MACROD2: variants seen among roughly 807,000 people sequenced by gnomAD.
MACROD2 encodes ADP-ribose glycohydrolase MACROD2.
Under a neutral mutation model 70.4 loss-of-function variants are expected in MACROD2, and 36 were observed. That is an observed-to-expected ratio of 0.51 (90% CI 0.39 to 0.68). MACROD2 has a LOEUF of 0.68. MACROD2 is among the 30% of genes least tolerant of loss of function. The pLI is 0.00. For synonymous variants in MACROD2, 172 were observed against 178.8 expected, an observed-to-expected ratio of 0.96 and a Z score of 0.30; for missense variants, 496 against 538.4, an observed-to-expected ratio of 0.92 and a Z score of 0.78.
intron 8 of MACROD2, among the ~76,000 whole-genome samples, chr20:15,674,586 A>C (rs753316686): frequency 7.9e-5 from 12 of 152,086 alleles, no homozygotes; most frequent in Non-Finnish European, 1.2e-4. Context: ...CATAATCATT[A>C]ACACCTTGAG....
chr20:15,271,950 C>G (rs2077349904), intron 6 of MACROD2, among the ~76,000 whole-genome samples: 1 of 152,166 alleles, frequency 6.6e-6, no homozygotes, highest in African/African-American at 2.4e-5. Flanking sequence ...GGGATCTCTT[C>G]CCACTTCACC....
At chr20:15,298,806 TTA>T (rs751091924) in intron 6 of MACROD2, among the ~76,000 whole-genome samples, 36 of 152,176 alleles carry the variant, frequency 2.4e-4, no homozygotes, top group Non-Finnish European at 4.6e-4. Context: ...ATGCCAGGCC[TTA>T]TGTTTTGCAC....
chr20:15,145,510 A>G (rs955422781), intron 5 of MACROD2, among the ~76,000 whole-genome samples: 2 of 152,174 alleles, frequency 1.3e-5, no homozygotes, highest in Non-Finnish European at 2.9e-5. Context: ...CTGGGCAGAA[A>G]CATTTTATTC....
intron 5 of MACROD2, among the ~76,000 whole-genome samples, chr20:14,919,544 G>A (rs2074135458): frequency 6.6e-6 from 1 of 152,202 alleles, no homozygotes; most frequent in Non-Finnish European, 1.5e-5. Context: ...CAAGCAACCA[G>A]GAACAGGGCC....
chr20:15,665,728 G>T (rs576774587), intron 8 of MACROD2, among the ~76,000 whole-genome samples: 102 of 152,198 alleles, frequency 6.7e-4, no homozygotes, highest in Non-Finnish European at 1.2e-3. Flanking sequence ...AGCTTGAAGT[G>T]TCCCATTCCC....
At chr20:15,943,273 T>C (rs2065775647) in intron 12 of MACROD2, among the ~76,000 whole-genome samples, 1 of 152,204 alleles carries the variant, frequency 6.6e-6, no homozygotes, top group African/African-American at 2.4e-5. Flanking sequence ...GAAAACGGCA[T>C]TGTTTCTGTT....
chr20:15,372,103 C>T (rs1435939355), intron 6 of MACROD2, among the ~76,000 whole-genome samples: 1 of 152,066 alleles, frequency 6.6e-6, no homozygotes, highest in African/African-American at 2.4e-5. Flanking sequence ...ATGAATATGT[C>T]ACATTTAATC....
chr20:14,932,718 C>A (rs1296987207), intron 5 of MACROD2, among the ~76,000 whole-genome samples: 1 of 151,960 alleles, frequency 6.6e-6, no homozygotes. Context: ...GGTGCGTGTG[C>A]CACCATGCCT....
intron 5 of MACROD2, among the ~76,000 whole-genome samples, chr20:14,719,473 G>GAAAAAAAAAAAAAAAAAAAAAAAAAAAAA: frequency 7.3e-6 from 1 of 136,322 alleles, no homozygotes; most frequent in Non-Finnish European, 1.6e-5. Flanking sequence ...AAGATAGAAA[G>GAAAAAAAAAAAAAAAAAAAAAAAAAAAAA]AAAAAAAAAA....
chr20:15,241,734 A>G (rs1262243255), intron 6 of MACROD2, among the ~76,000 whole-genome samples: 1 of 151,268 alleles, frequency 6.6e-6, no homozygotes, highest in African/African-American at 2.4e-5. Context: ...TTTCAATGTA[A>G]AAAAATAGAT....
At chr20:14,074,165 C>G (rs1450779505) in intron 2 of MACROD2, among the ~76,000 whole-genome samples, 2 of 152,156 alleles carry the variant, frequency 1.3e-5, no homozygotes, top group African/African-American at 2.4e-5. Flanking sequence ...CCATCCTGCC[C>G]CTTGGCTATA....
chr20:15,629,276 T>G (rs898392824), intron 8 of MACROD2, among the ~76,000 whole-genome samples: 3 of 152,218 alleles, frequency 2.0e-5, no homozygotes, highest in African/African-American at 7.2e-5. Context: ...TCAGACCTTG[T>G]TAATTTTAGC....
At chr20:15,431,457 GAT>G (rs765789988) in intron 7 of MACROD2, 22 bp downstream of exon 7, 5 of 1,606,220 alleles carry the variant, frequency 3.1e-6, no homozygotes, top group Non-Finnish European at 4.3e-6. Flanking sequence ...AGCTTTTGAT[GAT>G]GTTTGTATTT....
intron 6 of MACROD2, among the ~76,000 whole-genome samples, chr20:15,373,137 T>A (rs2045515869): frequency 6.6e-6 from 1 of 152,188 alleles, no homozygotes; most frequent in Non-Finnish European, 1.5e-5. Context: ...AAAATGTTTC[T>A]ATACCTACTT....
At chr20:15,242,241 A>T (rs988121747) in intron 6 of MACROD2, among the ~76,000 whole-genome samples, 1 of 152,250 alleles carries the variant, frequency 6.6e-6, no homozygotes. Flanking sequence ...TCAACAAAAT[A>T]GGTAATTAAT....
At chr20:15,247,501 G>A (rs1568666402) in intron 6 of MACROD2, among the ~76,000 whole-genome samples, 6 of 152,126 alleles carry the variant, frequency 3.9e-5, no homozygotes. Flanking sequence ...TAAATGGAAA[G>A]CACAAGAGAG....
At chr20:14,792,681 A>C (rs559784024) in intron 5 of MACROD2, among the ~76,000 whole-genome samples, 2 of 152,038 alleles carry the variant, frequency 1.3e-5, no homozygotes, top group Non-Finnish European at 2.9e-5. Flanking sequence ...CTGGGCTGTC[A>C]CCTTGAATGC....
At chr20:15,640,518 C>T (rs138264367) in intron 8 of MACROD2, among the ~76,000 whole-genome samples, 103 of 152,298 alleles carry the variant, frequency 6.8e-4, no homozygotes, top group African/African-American at 2.3e-3. Context: ...CCAGAGGCTC[C>T]GCTCTGCTGT....
chr20:15,523,712 T>TG (rs938638590), intron 8 of MACROD2, among the ~76,000 whole-genome samples: 25 of 152,280 alleles, frequency 1.6e-4, no homozygotes, highest in Admixed American at 1.2e-3. Context: ...TAGAATAGAC[T>TG]GGGGGGTGAA....
Sources: gnomAD v4.1 joint callset for allele counts (sites outside exome capture counted in the v4.1 genomes callset) on GRCh38, gnomAD v4.1.1 for gene constraint, MANE v1.5 for transcripts, NCBI Gene and HGNC (gene_info 2026-07-23, HGNC 2026-07-21) for gene names.